Variants in CALN1 observed in about 807,000 individuals in gnomAD.
CALN1 encodes the protein calneuron 1.
In CALN1, 17 loss-of-function variants were observed where a neutral mutation model predicts 30.6. That is an observed-to-expected ratio of 0.56 (90% CI 0.38 to 0.83). CALN1 has a LOEUF of 0.83. Among genes scored for constraint, CALN1 ranks in the 40% least tolerant of loss-of-function variants. The pLI, the probability that CALN1 is intolerant of heterozygous loss-of-function variation, is 0.00. For synonymous variants in CALN1, 156 were observed against 131.4 expected (o/e 1.19, Z -1.28); for missense variants, 291 against 354.9 (o/e 0.82, Z 1.45).
chr7:72,406,006 C>T (rs1268439628), intron 1 of CALN1, among the ~76,000 whole-genome samples: 2 of 152,152 alleles, frequency 1.3e-5, no homozygotes, highest in African/African-American at 4.8e-5. Flanking sequence ...GCTCAACAGG[C>T]GCACGGCACT....
chr7:72,431,178 C>T (rs191660640), intron 1 of CALN1, among the ~76,000 whole-genome samples: 91 of 152,170 alleles, frequency 6.0e-4, no homozygotes, highest in African/African-American at 2.1e-3. Context: ...GATCCACTGG[C>T]CTCAGCCTCC....
intron 3 of CALN1, among the ~76,000 whole-genome samples, chr7:72,144,855 C>T (rs1020605601): frequency 1.3e-5 from 2 of 152,158 alleles, no homozygotes; most frequent in African/African-American, 4.8e-5. Context: ...AAACAACAAC[C>T]TGCTCCTGAA....
intron 5 of CALN1, among the ~76,000 whole-genome samples, chr7:71,874,279 T>TTA (rs748404978): frequency 7.2e-5 from 7 of 97,650 alleles, no homozygotes; most frequent in African/African-American, 1.6e-4. Context: ...TCTCAAACAT[T>TTA]AAAAAAAAAA....
the CALN1 span, among the ~76,000 whole-genome samples, chr7:72,469,926 C>T: frequency 6.6e-6 from 1 of 152,182 alleles, no homozygotes. Context: ...ATTGTGGCTT[C>T]ACGTCCTGAT....
intron 2 of CALN1, among the ~76,000 whole-genome samples, chr7:72,307,465 G>A (rs535960735): frequency 2.2e-4 from 33 of 152,130 alleles, no homozygotes; most frequent in Admixed American, 2.0e-3. Context: ...TCATTCACTC[G>A]GTCGCTCGTG....
chr7:71,871,520 G>A (rs1357745278), intron 5 of CALN1, among the ~76,000 whole-genome samples: 2 of 152,154 alleles, frequency 1.3e-5, no homozygotes, highest in African/African-American at 4.8e-5. Context: ...GCTGAGTCAG[G>A]AGGATCACTC....
chr7:72,002,176 T>A (rs1799558706), intron 5 of CALN1, among the ~76,000 whole-genome samples: 1 of 152,218 alleles, frequency 6.6e-6, no homozygotes, highest in Non-Finnish European at 1.5e-5. Flanking sequence ...CAGATGCTCC[T>A]TGAGTTATGA....
intron 3 of CALN1, among the ~76,000 whole-genome samples, chr7:72,164,562 G>A (rs1035299255): frequency 6.6e-6 from 1 of 152,096 alleles, no homozygotes; most frequent in African/African-American, 2.4e-5. Context: ...CCTTCATTTC[G>A]AACATCCATC....
intron 5 of CALN1, among the ~76,000 whole-genome samples, chr7:71,973,456 G>A (rs753831514): frequency 6.6e-6 from 1 of 152,162 alleles, no homozygotes; most frequent in African/African-American, 2.4e-5. Flanking sequence ...GATTAGAGGC[G>A]TGAGCCACCT....
At chr7:71,837,389 C>G (rs1027802346) in intron 5 of CALN1, among the ~76,000 whole-genome samples, 1 of 151,020 alleles carries the variant, frequency 6.6e-6, no homozygotes. Flanking sequence ...ATAAAGAAAA[C>G]ATTGTGCAAA....
At chr7:71,855,610 A>G (rs1428487463) in intron 5 of CALN1, among the ~76,000 whole-genome samples, 4 of 151,814 alleles carry the variant, frequency 2.6e-5, no homozygotes, top group African/African-American at 9.7e-5. Context: ...GTTCCGTCTG[A>G]CCCTAGGCAG....
At chr7:72,209,960 G>C (rs112089947) in intron 3 of CALN1, among the ~76,000 whole-genome samples, 151 of 152,218 alleles carry the variant, frequency 9.9e-4, no homozygotes, top group African/African-American at 3.5e-3. Flanking sequence ...AAAAGTTCTA[G>C]ATAATAAAAA....
rs1486647954 is a variant in CALN1, at chr7:72,403,306, C to G, written c.64G>C (p.Ala22Pro). Residue 22 changes from alanine to proline, a missense_variant, in exon 2 of 7, where the codon GCC (alanine) becomes CCC (proline). By Grantham distance (27) the Ala-to-Pro change is conservative (BLOSUM62 -1). Coordinates refer to ENST00000395275, the MANE Select transcript of CALN1 (RefSeq NM_031468.4). ...GGCGGCTCCTCTCCCCCTCCGAGGGCTCCTCCGTCCCCCTTTTTCTCATTC... is the reference window on the plus strand; with the variant it reads ...GGCGGCTCCTCTCCCCCTCCGAGGGGTCCTCCGTCCCCCTTTTTCTCATTC... ...PENEKKGDGG[A>P]LGGGEEPPRS... is the part of the protein sequence containing the mutation. 9 of 1,550,268 alleles carry G rather than the reference C, an allele frequency of 5.8e-6. No homozygotes were observed. Among genetic ancestry groups the G allele is most frequent in the Admixed American group, 2.0e-5 (1 of 51,024 alleles).
At chr7:72,242,574 T>C (rs896706347) in intron 3 of CALN1, among the ~76,000 whole-genome samples, 2 of 152,138 alleles carry the variant, frequency 1.3e-5, no homozygotes, top group African/African-American at 2.4e-5. Flanking sequence ...CCTAAAAGCA[T>C]TGGCTAAATA....
intron 5 of CALN1, among the ~76,000 whole-genome samples, chr7:72,006,105 G>GT (rs1265093547): frequency 6.6e-6 from 1 of 152,190 alleles, no homozygotes; most frequent in African/African-American, 2.4e-5. Flanking sequence ...ACAACTGCAT[G>GT]TGAGTCTACA....
At chr7:72,115,121 A>G (rs1221540855) in intron 3 of CALN1, among the ~76,000 whole-genome samples, 2 of 148,000 alleles carry the variant, frequency 1.4e-5, no homozygotes, top group African/African-American at 2.5e-5. Context: ...TATATATAGT[A>G]TAATATAAAT....
intron 4 of CALN1, chr7:72,103,291 GA>G: frequency 5.5e-6 from 1 of 180,324 alleles, no homozygotes; most frequent in Non-Finnish European, 1.2e-5. Flanking sequence ...CAATGAGTTT[GA>G]GGGTGGTATG....
chr7:72,366,001 G>T (rs1018604249), intron 2 of CALN1, among the ~76,000 whole-genome samples: 4 of 152,102 alleles, frequency 2.6e-5, no homozygotes, highest in Non-Finnish European at 5.9e-5. Context: ...ATCCTAAAAT[G>T]ATAATCAGTC....
At chr7:72,029,750 G>A (rs1014014211) in intron 4 of CALN1, among the ~76,000 whole-genome samples, 2 of 152,204 alleles carry the variant, frequency 1.3e-5, no homozygotes, top group Non-Finnish European at 2.9e-5. Flanking sequence ...CAGAGAGGGC[G>A]TGGAAGCTGC....
Sources: allele counts gnomAD v4.1 joint callset (sites outside exome capture counted in the v4.1 genomes callset), GRCh38; gene constraint gnomAD v4.1.1; transcripts MANE v1.5; gene names NCBI Gene and HGNC (gene_info 2026-07-23, HGNC 2026-07-21).